Variants in TEC observed in about 807,000 individuals in gnomAD.
TEC encodes tyrosine-protein kinase Tec.
In TEC, 72 loss-of-function variants were observed where a neutral mutation model predicts 93.0. The observed-to-expected ratio is 0.77, with a 90% confidence interval of 0.64 to 0.94. TEC has a LOEUF of 0.94. Among genes scored for constraint, TEC ranks in the 40% least tolerant of loss-of-function variants. The pLI is 0.00. For synonymous variants in TEC, 249 were observed against 247.7 expected, an observed-to-expected ratio of 1.01 and a Z score of -0.05; for missense variants, 630 against 757.9, an observed-to-expected ratio of 0.83 and a Z score of 1.98.
rs1194437456 is a variant in TEC, at chr4:48,145,122, C to A, written c.1427G>T (p.Gly476Val). The change falls in exon 14 of 18, where the codon GGG becomes GTG. Residue 476 changes from glycine to valine, a missense_variant. Around this residue, in one of 3 missense-constraint regions of TEC, gnomAD observed 289 missense variants for 390.0 expected, o/e 0.74. Coordinates refer to ENST00000381501, the MANE Select transcript of TEC (RefSeq NM_003215.3). ...LLSMCQDVCE[G>V]MEYLERNSFI... is the part of the protein sequence containing the mutation. Reference sequence around the variant, plus strand: ...GCTGTTTCTCTCCAGATACTCCATCCCTTCACACACATCCTGACACATGCT... The same window carrying A: ...GCTGTTTCTCTCCAGATACTCCATCACTTCACACACATCCTGACACATGCT... The A allele has an allele frequency of 6.2e-7, 1 of 1,613,930 alleles. No homozygotes were observed. Among genetic ancestry groups the A allele is most frequent in the East Asian group, 2.2e-5 (1 of 44,876 alleles).
intron 2 of TEC, among the ~76,000 whole-genome samples, chr4:48,212,287 G>A (rs914764226): frequency 4.6e-5 from 7 of 151,972 alleles, no homozygotes; most frequent in Admixed American, 2.6e-4. Flanking sequence ...AAGAACACCC[G>A]TTGCAAGGTT....
At chr4:48,265,921 G>A (rs572062600) in intron 1 of TEC, among the ~76,000 whole-genome samples, 13 of 152,238 alleles carry the variant, frequency 8.5e-5, no homozygotes, top group East Asian at 5.8e-4. Flanking sequence ...GCACAGTGTC[G>A]TGAAATTTTA....
At chr4:48,215,074 A>C (rs1035805088) in intron 2 of TEC, among the ~76,000 whole-genome samples, 2 of 147,816 alleles carry the variant, frequency 1.4e-5, no homozygotes, top group Admixed American at 1.3e-4. Flanking sequence ...AATCGCTTGA[A>C]CCCGGGAGGC....
chr4:48,179,715 T>C (rs1721511364), intron 2 of TEC, among the ~76,000 whole-genome samples: 1 of 151,900 alleles, frequency 6.6e-6, no homozygotes, highest in South Asian at 2.1e-4. Flanking sequence ...CAGAGAACAA[T>C]GGCTTACATT....
At chr4:48,193,290 C>T (rs1227277760) in intron 2 of TEC, among the ~76,000 whole-genome samples, 3 of 151,960 alleles carry the variant, frequency 2.0e-5, no homozygotes, top group Admixed American at 6.6e-5. Context: ...TTAACTACGC[C>T]GTTTTCGAGA....
Position 48,138,894 on chromosome 4 carries a change from T to C in TEC, c.1654+10A>G. 1.2e-6 allele frequency: 2 copies of C among 1,614,184 alleles called. No individual in the cohort carries two copies. The highest frequency in any genetic ancestry group is 1.7e-6 in the Non-Finnish European group (2 of 1,179,994). On this transcript the variant is annotated intron_variant, in intron 16 of 17. Coordinates refer to ENST00000381501, the MANE Select transcript of TEC (RefSeq NM_003215.3). ...CAGGGCGGACGGACATGAGGAAACATGGATCTTACCAAATGACCAGACATC... is the reference window on the plus strand; with the variant it reads ...CAGGGCGGACGGACATGAGGAAACACGGATCTTACCAAATGACCAGACATC...
At chr4:48,230,510 T>C (rs551501238) in intron 1 of TEC, among the ~76,000 whole-genome samples, 1 of 152,230 alleles carries the variant, frequency 6.6e-6, no homozygotes, top group Non-Finnish European at 1.5e-5. Context: ...ATCTGGACCA[T>C]GAGAGTAGCT....
chr4:48,228,143 C>T (rs1301380247), intron 2 of TEC, among the ~76,000 whole-genome samples: 1 of 152,180 alleles, frequency 6.6e-6, no homozygotes, highest in African/African-American at 2.4e-5. Context: ...AAGTAATGGA[C>T]TTGGATACAA....
chr4:48,138,932 GAAGCGGCTGTAATTA>G lies in TEC; in HGVS notation c.1611_1625del (p.Asn538_Phe542del). The G allele has an allele frequency of 6.2e-7, 1 of 1,614,216 alleles. No homozygotes were observed. Among genetic ancestry groups the G allele is most frequent in the Non-Finnish European group, 8.5e-7 (1 of 1,180,038 alleles). ...ATGACCAGACATCTGATTTGCTGCT[GAAGCGGCTGTAATTA>G]AACACTTCAGGTGGACACCACTTCA... On this transcript the variant is annotated inframe_deletion, in exon 16 of 18. Transcript: ENST00000381501.
At chr4:48,253,856 G>A (rs113744040) in intron 1 of TEC, among the ~76,000 whole-genome samples, 7 of 152,106 alleles carry the variant, frequency 4.6e-5, no homozygotes, top group African/African-American at 1.7e-4. Flanking sequence ...TATTATAGGC[G>A]TGAGCCACCG....
chr4:48,249,377 A>G (rs533759764), intron 1 of TEC, among the ~76,000 whole-genome samples: 7 of 152,242 alleles, frequency 4.6e-5, no homozygotes, highest in Non-Finnish European at 1.0e-4. Context: ...TCTGTTAAAT[A>G]TTATCTCAAG....
intron 1 of TEC, among the ~76,000 whole-genome samples, chr4:48,265,809 G>A (rs1308107343): frequency 1.3e-5 from 2 of 152,010 alleles, no homozygotes; most frequent in South Asian, 2.1e-4. Flanking sequence ...CACTGCGCCC[G>A]GCCACCAATG....
chr4:48,156,233 GC>G (rs1720394937), intron 9 of TEC, among the ~76,000 whole-genome samples: 1 of 152,122 alleles, frequency 6.6e-6, no homozygotes, highest in Non-Finnish European at 1.5e-5. Flanking sequence ...AAGTGAAACC[GC>G]AATGATGACC....
At chr4:48,221,786 T>C (rs73814701) in intron 2 of TEC, among the ~76,000 whole-genome samples, 3,206 of 152,206 alleles carry the variant, frequency 0.021, 50 homozygotes, top group East Asian at 0.072. Context: ...TCTAATCACA[T>C]GGTTGGCTCC....
At chr4:48,171,791 C>T (rs1211060857) in intron 3 of TEC, among the ~76,000 whole-genome samples, 1 of 152,206 alleles carries the variant, frequency 6.6e-6, no homozygotes, top group African/African-American at 2.4e-5. Context: ...GAATGGACTA[C>T]TCCTTCAGCA....
intron 8 of TEC, among the ~76,000 whole-genome samples, chr4:48,161,391 A>T (rs986160330): frequency 2.0e-5 from 3 of 151,786 alleles, no homozygotes; most frequent in Non-Finnish European, 4.4e-5. Flanking sequence ...TAACCATCAC[A>T]ACGAATCTGC....
At chr4:48,263,208 T>A (rs1372681041) in intron 1 of TEC, among the ~76,000 whole-genome samples, 1 of 152,044 alleles carries the variant, frequency 6.6e-6, no homozygotes, top group Non-Finnish European at 1.5e-5. Flanking sequence ...GAAGTAAGGG[T>A]GCTGCTGCTG....
At chr4:48,255,029 C>T (rs1203517437) in intron 1 of TEC, among the ~76,000 whole-genome samples, 1 of 152,224 alleles carries the variant, frequency 6.6e-6, no homozygotes, top group Non-Finnish European at 1.5e-5. Context: ...GACAAAAATA[C>T]TCATCTTCTG....
chr4:48,142,339 T>C (rs149005610), intron 14 of TEC, among the ~76,000 whole-genome samples: 2,086 of 152,212 alleles, frequency 0.014, 22 homozygotes, highest in Middle Eastern at 0.054. Context: ...CCAAGTGTGG[T>C]GGCACACAAC....
Sources: gnomAD v4.1 joint callset for allele counts (sites outside exome capture counted in the v4.1 genomes callset) on GRCh38, gnomAD v4.1.1 for gene constraint, gnomAD v4.1.1 regional missense constraint, MANE v1.5 for transcripts, NCBI Gene and HGNC (gene_info 2026-07-23, HGNC 2026-07-21) for gene names.